Variants in GFPT2 observed in about 807,000 individuals in gnomAD.
GFPT2 encodes the protein glutamine--fructose-6-phosphate transaminase 2, also known as glutamine--fructose-6-phosphate aminotransferase [isomerizing] 2.
Under a neutral mutation model 85.6 loss-of-function variants are expected in GFPT2, and 62 were observed. That is an observed-to-expected ratio of 0.72 (90% confidence interval 0.59 to 0.90). GFPT2 has a LOEUF of 0.90. Among genes scored for constraint, GFPT2 ranks in the 40% least tolerant of loss-of-function variants. The probability of loss-of-function intolerance (pLI) is 0.00; values close to 1 mark genes in which losing one functional copy is unlikely to be tolerated. For synonymous variants in GFPT2, 368 were observed against 344.5 expected, an observed-to-expected ratio of 1.07 and a Z score of -0.75; for missense variants, 788 against 893.4, an observed-to-expected ratio of 0.88 and a Z score of 1.50.
chr5:180,315,327 G>A (rs960165563), intron 13 of GFPT2, among the ~76,000 whole-genome samples: 6 of 152,048 alleles, frequency 3.9e-5, no homozygotes, highest in East Asian at 1.9e-4. Context: ...ACAGGCGCCC[G>A]CCACCACGCC....
chr5:180,310,540 A>G (rs1325679172), intron 15 of GFPT2, among the ~76,000 whole-genome samples: 1 of 151,666 alleles, frequency 6.6e-6, no homozygotes, highest in Non-Finnish European at 1.5e-5. Flanking sequence ...CCTCCCGAGT[A>G]GCTGGGATTA....
rs117444926 is a variant in GFPT2, at chr5:180,330,669, A to G, written c.534+31T>C. The stretch of plus-strand genomic sequence containing the variant: ...ATGTTTTTAATGAAAGAATGAAGGA[A>G]TGAGTTAGACAGATGGGATTTGTAA... On this transcript the variant is annotated intron_variant, in intron 6 of 18. Transcript: ENST00000253778. This position sits in a 1 kb window ranked among gnomAD's most constrained non-coding sequence, Gnocchi z 4.4. 4.5e-6 allele frequency: 7 copies of G among 1,564,350 alleles called. No homozygotes were observed. The East Asian group carries it at 1.6e-4, about 35-fold the overall frequency.
intron 1 of GFPT2, among the ~76,000 whole-genome samples, chr5:180,349,746 G>A (rs551411598): frequency 6.6e-6 from 1 of 152,096 alleles, no homozygotes; most frequent in Admixed American, 6.5e-5. Flanking sequence ...TTTTAAATCA[G>A]TAAGTTTGCA....
chr5:180,320,270 G>A lies in GFPT2; in HGVS notation c.795-1314C>T, dbSNP rs375984240. 3.3e-3 allele frequency among the ~76,000 whole-genome samples: 507 copies of A among 152,206 alleles called. 2 individuals are homozygous for A. The highest frequency in any genetic ancestry group is 0.012 in the African/African-American group (491 of 41,546). The stretch of plus-strand genomic sequence containing the variant: ...GCCTCCCAAAGTGCTGGGATTACAG[G>A]TGTGAGCCACCGTGCCCAGCCCATT... On this transcript the variant is annotated intron_variant, in intron 9 of 18. Transcript: ENST00000253778.
chr5:180,318,679 G>T lies in GFPT2; in HGVS notation c.958+114C>A. ...GGCTACCTGCAGCCCCGCCCTGGTGGCCACAGAGGGCAGGAGGGCTGTGGC... is the reference window on the plus strand; with the variant it reads ...GGCTACCTGCAGCCCCGCCCTGGTGTCCACAGAGGGCAGGAGGGCTGTGGC... On this transcript the variant is annotated intron_variant, in intron 10 of 18. Coordinates refer to ENST00000253778, the MANE Select transcript of GFPT2 (RefSeq NM_005110.4). The surrounding 1 kb of genome is among the most constrained non-coding windows in gnomAD (Gnocchi z 4.2). 1 of 876,978 alleles carries T rather than the reference G, an allele frequency of 1.1e-6. No individual in the cohort carries two copies. The highest frequency in any genetic ancestry group is 1.8e-6 in the Non-Finnish European group (1 of 562,312). 54.3% of individuals were successfully genotyped at this position (876,978 alleles called of 1,614,324 possible).
chr5:180,316,662 G>A, intron 12 of GFPT2, 102 bp downstream of exon 12: 2 of 961,106 alleles, frequency 2.1e-6, no homozygotes, highest in Non-Finnish European at 1.6e-6. Flanking sequence ...ATGGGTACAA[G>A]GGCTTAGCCA....
At position 180,318,720 on chromosome 5, in the gene GFPT2, G is replaced by A; in HGVS notation, c.958+73C>T. ...GGGCTGTGGCCTCTACTAGGACCAG[G>A]CAGAGTGTCAGGAGCTCCACCAGGC... On this transcript the variant is annotated intron_variant, in intron 10 of 18. Coordinates refer to ENST00000253778, the MANE Select transcript of GFPT2 (RefSeq NM_005110.4). This position sits in a 1 kb window ranked among gnomAD's most constrained non-coding sequence, Gnocchi z 4.2. 3 of 1,259,912 alleles carry A rather than the reference G, an allele frequency of 2.4e-6. No individual in the cohort carries two copies. The highest frequency in any genetic ancestry group is 2.5e-5 in the East Asian group (1 of 40,148). 78.0% of individuals were successfully genotyped at this position (1,259,912 alleles called of 1,614,324 possible).
rs775727574 is a variant in GFPT2, at chr5:180,313,900, G to A, written c.1338C>T (p.Gly446=). The A allele has an allele frequency of 5.5e-5, 89 of 1,606,630 alleles. No individual in the cohort carries two copies. Among genetic ancestry groups the A allele is most frequent in the Non-Finnish European group, 6.8e-5 (80 of 1,179,410 alleles). The change falls in exon 14 of 19, where the codon GGC becomes GGT. Residue 446 remains glycine, a synonymous_variant. Transcript: ENST00000253778. ...YCKDRGALTV[G]VTNTVGSSIS... is the part of the protein sequence containing the mutation. ...TGGAGCTGCCCACGGTGTTGGTGAC[G>A]CCCACGGTGAGAGCGCCGCGGTCCT... is the stretch of plus-strand genomic sequence containing the variant.
rs752920341 is a variant in GFPT2, at chr5:180,328,954, C to T, written c.535-616G>A. Among the ~76,000 whole-genome samples the T allele has an allele frequency of 2.0e-5, 3 of 152,200 alleles. No homozygotes were observed. The highest frequency in any genetic ancestry group is 6.5e-5 in the Admixed American group (1 of 15,276). On this transcript the variant is annotated intron_variant, in intron 6 of 18. Coordinates refer to ENST00000253778, the MANE Select transcript of GFPT2 (RefSeq NM_005110.4). The surrounding 1 kb of genome is among the most constrained non-coding windows in gnomAD (Gnocchi z 5.4). ...ACTGCTATTATCCTTTCCATGGATA[C>T]GACTGCCACCTGCCCTCTGGGCCTC...
intron 16 of GFPT2, among the ~76,000 whole-genome samples, chr5:180,305,663 C>A (rs975686042): frequency 2.0e-5 from 3 of 152,218 alleles, no homozygotes; most frequent in African/African-American, 7.2e-5. Context: ...AACGCTTCTT[C>A]CTTCAGCAGA....
rs948678627 is a variant in GFPT2, at chr5:180,321,591, C to T, written c.794+2597G>A. Among the ~76,000 whole-genome samples, 6 of 152,344 alleles carry T rather than the reference C, an allele frequency of 3.9e-5. No individual in the cohort carries two copies. The East Asian group carries it at 1.2e-3, about 29-fold the overall frequency. The stretch of plus-strand genomic sequence containing the variant: ...ATCCTGGTGAGGCTCTCATACCGTG[C>T]CCCGCACACACTGGCCACCGTTGCC... On this transcript the variant is annotated intron_variant, in intron 9 of 18. Transcript: ENST00000253778.
At chr5:180,353,027 C>A (rs1764747654) in intron 1 of GFPT2, 184 bp downstream of exon 1, 1 of 421,298 alleles carries the variant, frequency 2.4e-6, no homozygotes, top group Non-Finnish European at 3.9e-6. Context: ...GACGGCCACT[C>A]GGGGAACGCG....
intron 9 of GFPT2, 152 bp from the exon 10 acceptor site, chr5:180,319,108 C>T: frequency 1.5e-6 from 1 of 652,312 alleles, no homozygotes. Context: ...GCAGGTGAAT[C>T]TTCCTTTTCT....
intron 1 of GFPT2, 115 bp from the exon 2 acceptor site, chr5:180,338,715 G>C: frequency 1.6e-6 from 1 of 638,424 alleles, no homozygotes; most frequent in East Asian, 2.8e-5. Context: ...GGGGCTTGCA[G>C]AGGTGGGTAT....
intron 1 of GFPT2, 85 bp from the exon 2 acceptor site, chr5:180,338,685 G>A (rs1322445560): frequency 3.8e-6 from 3 of 789,788 alleles, no homozygotes; most frequent in East Asian, 5.5e-5. Flanking sequence ...GCACCGAGGT[G>A]GCATCACAAA....
chr5:180,324,782 G>A, intron 8 of GFPT2, 34 bp downstream of exon 8: 1 of 1,341,932 alleles, frequency 7.5e-7, no homozygotes, highest in African/African-American at 1.4e-5. Flanking sequence ...GACACCAGCA[G>A]CTGTGCTGTT....
At chr5:180,342,479 G>A (rs1008380020) in intron 1 of GFPT2, among the ~76,000 whole-genome samples, 1 of 141,188 alleles carries the variant, frequency 7.1e-6, no homozygotes, top group Non-Finnish European at 1.5e-5. Context: ...TTGTGATCTC[G>A]GCTCACTGCA....
Position 180,307,258 on chromosome 5 carries a change from A to C in GFPT2, c.1592T>G (p.Leu531Trp). 1 of 1,605,020 alleles carries C rather than the reference A, an allele frequency of 6.2e-7. No individual in the cohort carries two copies. The highest frequency in any genetic ancestry group is 1.1e-5 in the South Asian group (1 of 90,362). The change falls in exon 16 of 19, where the codon TTG (leucine) becomes TGG (tryptophan). Residue 531 changes from leucine (L) to tryptophan (W), a missense_variant. Leu to Trp is a moderately conservative substitution (Grantham distance 61). Transcript: ENST00000253778. ...TCTCTGCGTGTAGAGCTCCAGGGCC[A>C]AGTCGTGGATCTTCTCCTCCAGAGA... ...VLSLEEKIHD[L>W]ALELYTQRSL... is the part of the protein sequence containing the mutation.
intron 1 of GFPT2, among the ~76,000 whole-genome samples, chr5:180,350,762 T>C (rs1764696909): frequency 6.6e-6 from 1 of 152,228 alleles, no homozygotes; most frequent in Non-Finnish European, 1.5e-5. Context: ...GCACTGAAAG[T>C]TTTTGAGAAT....
Sources: allele counts gnomAD v4.1 joint callset (sites outside exome capture counted in the v4.1 genomes callset), GRCh38; gene constraint gnomAD v4.1.1; non-coding constraint Gnocchi (gnomAD v3.1); transcripts MANE v1.5; gene names NCBI Gene and HGNC (gene_info 2026-07-23, HGNC 2026-07-21).